The following GAS2 variants were observed in gnomAD, a reference collection of about 807,000 sequenced individuals.
GAS2 encodes growth arrest specific 2.
GAS2 carries 20 observed loss-of-function variants against 37.5 expected under a neutral mutation model. The observed-to-expected ratio is 0.53, with a 90% CI of 0.37 to 0.77. The LOEUF (loss-of-function observed/expected upper bound fraction) is 0.77, where lower values mean the gene tolerates loss of function less well. Ranked by LOEUF, GAS2 falls within the 30% of genes least tolerant of loss-of-function variation. GAS2 has a pLI of 0.00. For synonymous variants in GAS2, 144 were observed against 132.2 expected (o/e 1.09, Z -0.61); for missense variants, 336 against 373.4 (o/e 0.90, Z 0.82).
intron 3 of GAS2, among the ~76,000 whole-genome samples, chr11:22,691,348 CAT>C (rs1850238979): frequency 6.6e-6 from 1 of 152,110 alleles, no homozygotes; most frequent in Non-Finnish European, 1.5e-5. Flanking sequence ...TTAAATAAGA[CAT>C]AAAGATTAGA....
intron 7 of GAS2, among the ~76,000 whole-genome samples, chr11:22,790,670 C>T (rs1564890595): frequency 6.6e-6 from 1 of 150,434 alleles, no homozygotes; most frequent in Non-Finnish European, 1.5e-5. Flanking sequence ...ACCATGTTGG[C>T]CAGGCTGGTC....
chr11:22,717,161 A>G (rs1358980578), intron 3 of GAS2, among the ~76,000 whole-genome samples: 3 of 152,140 alleles, frequency 2.0e-5, no homozygotes, highest in African/African-American at 7.2e-5. Context: ...TAAAATTCAT[A>G]TGGGACCAAA....
intron 3 of GAS2, among the ~76,000 whole-genome samples, chr11:22,695,765 A>C (rs1391144089): frequency 6.6e-6 from 1 of 152,220 alleles, no homozygotes; most frequent in Non-Finnish European, 1.5e-5. Flanking sequence ...TTTGTCAAAC[A>C]AATTTGAAAT....
At chr11:22,809,672 T>C (rs981266387) in intron 7 of GAS2, among the ~76,000 whole-genome samples, 5 of 146,366 alleles carry the variant, frequency 3.4e-5, no homozygotes, top group Admixed American at 1.4e-4. Flanking sequence ...TTTTTTTTTT[T>C]CAGTAGAGAT....
At chr11:22,757,196 A>T (rs1457671681) in intron 7 of GAS2, among the ~76,000 whole-genome samples, 18 of 152,112 alleles carry the variant, frequency 1.2e-4, no homozygotes, top group Non-Finnish European at 1.5e-5. Context: ...CTTCAGTCAA[A>T]AATATATATT....
intron 4 of GAS2, among the ~76,000 whole-genome samples, chr11:22,733,782 T>A (rs1852606183): frequency 6.6e-6 from 1 of 151,726 alleles, no homozygotes; most frequent in Non-Finnish European, 1.5e-5. Context: ...GAAATGCTTT[T>A]GATTATTTAA....
intron 7 of GAS2, among the ~76,000 whole-genome samples, chr11:22,776,224 C>T (rs1855247288): frequency 1.3e-5 from 2 of 152,100 alleles, no homozygotes; most frequent in African/African-American, 4.8e-5. Context: ...AATATAAAGA[C>T]CAAGGGGGCC....
At chr11:22,672,437 T>C (rs893375192) in intron 1 of GAS2, 2 of 152,178 alleles carry the variant, frequency 1.3e-5, no homozygotes, top group Non-Finnish European at 1.5e-5. Context: ...TCATTGAAAT[T>C]GTTACATGCC....
intron 3 of GAS2, among the ~76,000 whole-genome samples, chr11:22,693,620 A>T (rs1850357955): frequency 6.6e-6 from 1 of 152,204 alleles, no homozygotes; most frequent in Non-Finnish European, 1.5e-5. Context: ...TATCCATGCA[A>T]ATTGCACATT....
At chr11:22,649,162 C>T (rs1848740708) in intron 1 of GAS2, among the ~76,000 whole-genome samples, 2 of 150,980 alleles carry the variant, frequency 1.3e-5, no homozygotes, top group Admixed American at 1.3e-4. Context: ...TTTTCTGCAT[C>T]TATTGAGATA....
chr11:22,672,709 T>C (rs1849252836), intron 1 of GAS2: 1 of 152,100 alleles, frequency 6.6e-6, no homozygotes. Flanking sequence ...TTTAAGTATA[T>C]GAATCATGTG....
At chr11:22,715,361 C>T (rs1229032384) in intron 3 of GAS2, among the ~76,000 whole-genome samples, 4 of 143,116 alleles carry the variant, frequency 2.8e-5, no homozygotes, top group Admixed American at 7.4e-5. Flanking sequence ...CTCAGAAGGC[C>T]GAGGCAGGAG....
At position 22,685,573 on chromosome 11, in the gene GAS2, T is replaced by G; in HGVS notation, c.146-95T>G. Reference sequence around the variant, plus strand: ...TCCCAGTTATGTAACTCAGCTAGAATAGCAATTTTAGTGATAAAACTGTGT... The same window carrying G: ...TCCCAGTTATGTAACTCAGCTAGAAGAGCAATTTTAGTGATAAAACTGTGT... On this transcript the variant is annotated intron_variant, in intron 2 of 7. Coordinates refer to ENST00000454584, the MANE Select transcript of GAS2 (RefSeq NM_001143830.3). The G allele has an allele frequency of 3.0e-6, 4 of 1,336,260 alleles. No homozygotes were observed. The South Asian group carries it at 4.3e-5, about 14-fold the overall frequency. 82.8% of individuals were successfully genotyped at this position (1,336,260 alleles called of 1,614,324 possible).
chr11:22,706,836 T>C (rs1191068560), intron 3 of GAS2, among the ~76,000 whole-genome samples: 1 of 152,140 alleles, frequency 6.6e-6, no homozygotes, highest in Non-Finnish European at 1.5e-5. Context: ...TTATAATCCT[T>C]TGGGTATATA....
chr11:22,784,337 G>A (rs548142101), intron 7 of GAS2, among the ~76,000 whole-genome samples: 4 of 152,236 alleles, frequency 2.6e-5, no homozygotes, highest in East Asian at 1.9e-4. Flanking sequence ...CTATGAGAAG[G>A]AAAGCTTTGG....
At chr11:22,661,186 T>C (rs1848911135) in intron 1 of GAS2, among the ~76,000 whole-genome samples, 1 of 152,208 alleles carries the variant, frequency 6.6e-6, no homozygotes, top group African/African-American at 2.4e-5. Context: ...GTAATAAAGA[T>C]GCAAAATTAA....
At chr11:22,684,346 G>T (rs575178961) in intron 2 of GAS2, among the ~76,000 whole-genome samples, 1 of 152,178 alleles carries the variant, frequency 6.6e-6, no homozygotes, top group African/African-American at 2.4e-5. Context: ...TTAGCAGTGA[G>T]CATGGTATGT....
intron 7 of GAS2, among the ~76,000 whole-genome samples, chr11:22,799,325 T>G (rs1336260441): frequency 6.6e-6 from 1 of 152,108 alleles, no homozygotes; most frequent in Non-Finnish European, 1.5e-5. Context: ...GTGAAAATTT[T>G]ATGAAGCAAT....
chr11:22,686,512 T>C (rs1251862177), intron 3 of GAS2, among the ~76,000 whole-genome samples: 1 of 140,068 alleles, frequency 7.1e-6, no homozygotes, highest in Non-Finnish European at 1.5e-5. Flanking sequence ...GGTCAGGAGT[T>C]TGAGACTAGT....
Sources: allele counts gnomAD v4.1 joint callset (sites outside exome capture counted in the v4.1 genomes callset), GRCh38; gene constraint gnomAD v4.1.1; transcripts MANE v1.5; gene names NCBI Gene and HGNC (gene_info 2026-07-23, HGNC 2026-07-21).